Variants in APAF1 observed in about 807,000 individuals in gnomAD.
The protein encoded by APAF1 is apoptotic peptidase activating factor 1.
Under a neutral mutation model 152.4 loss-of-function variants are expected in APAF1, and 91 were observed. That is an observed-to-expected ratio of 0.60 (90% CI 0.50 to 0.71). The LOEUF is 0.71. Ranked by LOEUF, APAF1 falls within the 30% of genes least tolerant of loss-of-function variation. The probability of loss-of-function intolerance (pLI) is 0.00; values close to 1 mark genes in which losing one functional copy is unlikely to be tolerated. For missense variants in APAF1, 1,283 were observed against 1,472.0 expected, an observed-to-expected ratio of 0.87 and a Z score of 2.10; for synonymous variants, 484 against 494.1, an observed-to-expected ratio of 0.98 and a Z score of 0.27.
intron 26 of APAF1, among the ~76,000 whole-genome samples, chr12:98,729,694 G>T (rs769135505): frequency 6.6e-6 from 1 of 152,316 alleles, no homozygotes; most frequent in Non-Finnish European, 1.5e-5. Context: ...ACATTCAAGT[G>T]TAGGAGATGA....
intron 5 of APAF1, among the ~76,000 whole-genome samples, chr12:98,660,486 A>G (rs778567480): frequency 1.3e-5 from 2 of 152,224 alleles, no homozygotes; most frequent in Non-Finnish European, 2.9e-5. Context: ...CAGTTAATTA[A>G]TTCAGCAAAT....
At chr12:98,697,725 G>A (rs1269246310) in intron 16 of APAF1, among the ~76,000 whole-genome samples, 2 of 152,170 alleles carry the variant, frequency 1.3e-5, no homozygotes, top group South Asian at 2.1e-4. Context: ...TATAATGACA[G>A]GTAGTAAGCA....
chr12:98,712,442 A>G lies in APAF1; in HGVS notation c.2958+7A>G, dbSNP rs1195483403. ...TGAAAATGGAGCCATTGAGGTATTC[A>G]GTGCTAGTCTTCAGAATCTTTCTGT... is the stretch of plus-strand genomic sequence containing the variant. On this transcript the variant is annotated splice_region_variant and intron_variant, in intron 21 of 26. Transcript: ENST00000551964. The G allele has an allele frequency of 9.1e-6, 13 of 1,425,934 alleles. No homozygotes were observed. The highest frequency in any genetic ancestry group is 1.4e-5 in the African/African-American group (1 of 71,262). The allele number at this position is 1,425,934 out of a possible 1,614,324, so 88.3% of individuals were successfully genotyped here.
rs1248721343 is a variant in APAF1, at chr12:98,732,557, T to C, written c.3738T>C (p.Thr1246=). Residue 1246 remains threonine (T), a synonymous_variant, in exon 27 of 27, where the codon ACT becomes ACC. Coordinates refer to ENST00000551964, the MANE Select transcript of APAF1 (RefSeq NM_181861.2). ...DNLGILYILQ[T]LE ...TTGGTATTTTATATATTTTACAGAC[T>C]TTAGAATAAAATAGTTAAGCATTAA... 1.3e-6 allele frequency: 2 copies of C among 1,563,028 alleles called. No individual in the cohort carries two copies.
Position 98,699,395 on chromosome 12 carries a change from C to CT in APAF1, c.2305-10dup. 9.3e-6 allele frequency: 15 copies of CT among 1,612,754 alleles called. No individual in the cohort carries two copies. The highest frequency in any genetic ancestry group is 1.2e-5 in the Non-Finnish European group (14 of 1,179,402). ...AAAACAAACTTTTTCTTTTTTATTA[C>CT]TTTAATTCAAAGCTTTGGGATGCGA... On this transcript the variant is annotated splice_polypyrimidine_tract_variant and intron_variant, in intron 16 of 26. Transcript: ENST00000551964.
In APAF1 at chr12:98,683,022, C is replaced by T. The variant is rs1003790484; in HGVS notation, c.2047-121C>T. 148 of 794,286 alleles carry T rather than the reference C, an allele frequency of 1.9e-4. 1 individual carries two copies. Among genetic ancestry groups the T allele is most frequent in the Non-Finnish European group, 7.5e-5 (36 of 478,354 alleles). 49.2% of individuals were successfully genotyped at this position (794,286 alleles called of 1,614,324 possible). A position where few individuals can be genotyped will look rare whatever the true frequency, so the allele number is the denominator to read the frequency against. On this transcript the variant is annotated intron_variant, in intron 14 of 26. Transcript: ENST00000551964. Reference sequence around the variant, plus strand: ...GAGGTTTCATTAGCATCTTGTCCAACTAGGAAAATCTGCTATGACAGGATA... The same window carrying T: ...GAGGTTTCATTAGCATCTTGTCCAATTAGGAAAATCTGCTATGACAGGATA...
At chr12:98,648,247 G>C (rs113968613) in intron 1 of APAF1, 72 bp from the exon 2 acceptor site, 9 of 1,362,868 alleles carry the variant, frequency 6.6e-6, no homozygotes, top group Non-Finnish European at 9.3e-6. Flanking sequence ...TACGTTTCTT[G>C]TTTATTAGTG....
intron 11 of APAF1, 40 bp from the exon 12 acceptor site, chr12:98,671,495 G>A: frequency 1.3e-6 from 2 of 1,576,486 alleles, no homozygotes; most frequent in Non-Finnish European, 1.7e-6. Flanking sequence ...TCAGATCGTG[G>A]CTCTGATTGT....
In APAF1 at chr12:98,699,517, C is replaced by A. The variant is rs375207439; in HGVS notation, c.2414C>A (p.Ser805Ter). 1 of 1,613,970 alleles carries A rather than the reference C, an allele frequency of 6.2e-7. No homozygotes were observed. Among genetic ancestry groups the A allele is most frequent in the African/African-American group, 1.3e-5 (1 of 74,910 alleles). ...ATGGAAGTGATAGTGAAGTGTTGTT[C>A]GTGGTCTGCTGATGGTGCAAGGATA... ...EDMEVIVKCC[S>*]WSADGARIMV... The change falls in exon 17 of 27, where the codon TCG (serine) becomes TAG (stop). Residue 805 changes from serine (S) to a stop codon, truncating the protein, a stop_gained. Transcript: ENST00000551964. LOFTEE classifies it high-confidence loss of function.
At chr12:98,726,442 T>TG (rs1416398129) in intron 25 of APAF1, 1 of 152,376 alleles carries the variant, frequency 6.6e-6, no homozygotes, top group Non-Finnish European at 1.5e-5. Flanking sequence ...AAGGAGGATC[T>TG]AAAACTCCAG....
chr12:98,665,913 T>G, intron 8 of APAF1, 122 bp downstream of exon 8: 7 of 896,870 alleles, frequency 7.8e-6, no homozygotes, highest in Non-Finnish European at 1.3e-5. Context: ...GGTGGTGGGG[T>G]GTTGGGTGTA....
Position 98,732,584 on chromosome 12 carries a change from G to C in APAF1, c.*18G>C. On this transcript the variant is annotated 3_prime_UTR_variant, in exon 27 of 27. Coordinates refer to ENST00000551964, the MANE Select transcript of APAF1 (RefSeq NM_181861.2). Reference sequence around the variant, plus strand: ...TAGAATAAAATAGTTAAGCATTAATGTAGTTGAACTTTTTAAATTTTTGAA... The same window carrying C: ...TAGAATAAAATAGTTAAGCATTAATCTAGTTGAACTTTTTAAATTTTTGAA... 1 of 1,505,536 alleles carries C rather than the reference G, an allele frequency of 6.6e-7. No homozygotes were observed. The highest frequency in any genetic ancestry group is 9.1e-7 in the Non-Finnish European group (1 of 1,095,382). The allele number at this position is 1,505,536 out of a possible 1,614,324, so 93.3% of individuals were successfully genotyped here.
chr12:98,649,632 T>C lies in APAF1; in HGVS notation c.474T>C (p.Cys158=), dbSNP rs1388519848. The change falls in exon 4 of 27, where the codon TGT becomes TGC. Residue 158 remains cysteine, a synonymous_variant. Transcript: ENST00000551964. ...GWVTIHGMAG[C]GKSVLAAEAV... is the part of the protein sequence containing the mutation. Reference sequence around the variant, plus strand: ...TCACCATACATGGAATGGCAGGCTGTGGGAAGTCTGTATTAGCTGCAGAAG... The same window carrying C: ...TCACCATACATGGAATGGCAGGCTGCGGGAAGTCTGTATTAGCTGCAGAAG... The C allele has an allele frequency of 3.7e-6, 6 of 1,614,166 alleles. No individual in the cohort carries two copies. Among genetic ancestry groups the C allele is most frequent in the South Asian group, 1.1e-5 (1 of 91,084 alleles).
At position 98,735,264 on chromosome 12, in the gene APAF1, T is replaced by C. The variant is rs1411292712; in HGVS notation, c.*2698T>C. 8 of 399,698 alleles carry C rather than the reference T, an allele frequency of 2.0e-5. No individual in the cohort carries two copies. The highest frequency in any genetic ancestry group is 3.5e-5 in the Non-Finnish European group (8 of 226,882). 24.8% of individuals were successfully genotyped at this position (399,698 alleles called of 1,614,324 possible). ...GTATTTTTTTGTATTATAAATTACA[T>C]TGGACTTCATATATATAATTTTTTT... On this transcript the variant is annotated 3_prime_UTR_variant, in exon 27 of 27. Coordinates refer to ENST00000551964, the MANE Select transcript of APAF1 (RefSeq NM_181861.2).
chr12:98,689,785 CT>C (rs1298301094), intron 16 of APAF1, among the ~76,000 whole-genome samples: 1 of 152,168 alleles, frequency 6.6e-6, no homozygotes, highest in Non-Finnish European at 1.5e-5. Flanking sequence ...AAAGTGTTCT[CT>C]TACAGCATCC....
At position 98,677,571 on chromosome 12, in the gene APAF1, A is replaced by G; in HGVS notation, c.1920+20A>G. 1 of 1,614,046 alleles carries G rather than the reference A, an allele frequency of 6.2e-7. No individual in the cohort carries two copies. The highest frequency in any genetic ancestry group is 1.3e-5 in the African/African-American group (1 of 75,060). On this transcript the variant is annotated intron_variant, in intron 13 of 26. Transcript: ENST00000551964. ...TTACAGGTAAAACACATCTCTTGAG[A>G]AAAATGCAAAGAGGCATGTATCCAG...
chr12:98,730,830 A>G (rs961514221), intron 26 of APAF1, among the ~76,000 whole-genome samples: 8 of 152,248 alleles, frequency 5.3e-5, no homozygotes, highest in Non-Finnish European at 1.0e-4. Context: ...AAGATAAAGT[A>G]GGTATCCAGA....
intron 20 of APAF1, 84 bp from the exon 21 acceptor site, chr12:98,712,235 A>G (rs2097728676): frequency 1.3e-6 from 1 of 797,094 alleles, no homozygotes; most frequent in Admixed American, 1.7e-5. Context: ...GTTTTATTTT[A>G]TTTTTTTCAA....
chr12:98,693,041 C>T (rs1003163624), intron 16 of APAF1, among the ~76,000 whole-genome samples: 20 of 151,766 alleles, frequency 1.3e-4, no homozygotes, highest in Admixed American at 1.2e-3. Flanking sequence ...TCTGCAGCCT[C>T]CCTGGCATCT....
Sources: allele counts gnomAD v4.1 joint callset (sites outside exome capture counted in the v4.1 genomes callset), GRCh38; gene constraint gnomAD v4.1.1; transcripts MANE v1.5; gene names NCBI Gene and HGNC (gene_info 2026-07-23, HGNC 2026-07-21).